The following BLTP3B variants were observed in gnomAD, a reference collection of about 807,000 sequenced individuals.
BLTP3B encodes bridge-like lipid transfer protein family member 3B.
the BLTP3B span, among the ~76,000 whole-genome samples, chr12:100,085,858 T>C: frequency 6.6e-6 from 1 of 152,076 alleles, no homozygotes; most frequent in African/African-American, 2.4e-5. Context: ...CATACTCTTA[T>C]TCTTAGCTTC....
the BLTP3B span, among the ~76,000 whole-genome samples, chr12:100,073,573 A>G: frequency 1.3e-5 from 2 of 151,896 alleles, no homozygotes; most frequent in Non-Finnish European, 2.9e-5. Flanking sequence ...AAATATGTAT[A>G]TGTGTGTGTA....
At chr12:100,065,968 G>C in the BLTP3B span, among the ~76,000 whole-genome samples, 1 of 152,234 alleles carries the variant, frequency 6.6e-6, no homozygotes, top group Non-Finnish European at 1.5e-5. Flanking sequence ...CTACCACCAT[G>C]TGATGTCACC....
At chr12:100,045,980 C>T in the BLTP3B span, among the ~76,000 whole-genome samples, 13 of 152,186 alleles carry the variant, frequency 8.5e-5, no homozygotes, top group Admixed American at 8.5e-4. Flanking sequence ...AAAAAATGCA[C>T]ATCATCACTG....
At chr12:100,081,492 G>T in the BLTP3B span, among the ~76,000 whole-genome samples, 2 of 152,052 alleles carry the variant, frequency 1.3e-5, no homozygotes, top group Non-Finnish European at 2.9e-5. Flanking sequence ...CTGGGGTTTG[G>T]TGTATAAATA....
At chr12:100,079,005 G>A in the BLTP3B span, among the ~76,000 whole-genome samples, 12 of 152,196 alleles carry the variant, frequency 7.9e-5, no homozygotes, top group Non-Finnish European at 1.5e-4. Context: ...TGTAAGACAT[G>A]ACTTGCTCCT....
the BLTP3B span, chr12:100,047,939 A>G: frequency 4.1e-6 from 6 of 1,467,084 alleles, no homozygotes; most frequent in Admixed American, 2.8e-5. Context: ...ATTTATTAAC[A>G]TACTTTTAAA....
the BLTP3B span, among the ~76,000 whole-genome samples, chr12:100,074,367 G>A: frequency 6.6e-6 from 1 of 152,176 alleles, no homozygotes; most frequent in Non-Finnish European, 1.5e-5. Context: ...GAGAGGCTGA[G>A]GCGGGCAGAT....
At chr12:100,081,554 C>T in the BLTP3B span, among the ~76,000 whole-genome samples, 1 of 152,110 alleles carries the variant, frequency 6.6e-6, no homozygotes, top group Non-Finnish European at 1.5e-5. Flanking sequence ...TTTTTCAATC[C>T]TCACCCTTCC....
chr12:100,060,945 T>C, the BLTP3B span, among the ~76,000 whole-genome samples: 1 of 152,224 alleles, frequency 6.6e-6, no homozygotes, highest in African/African-American at 2.4e-5. Flanking sequence ...TATTTGCTTA[T>C]GTTATTTATT....
At chr12:100,125,880 G>T in the BLTP3B span, among the ~76,000 whole-genome samples, 2 of 152,188 alleles carry the variant, frequency 1.3e-5, no homozygotes, top group African/African-American at 4.8e-5. Flanking sequence ...ATCTTACTAT[G>T]TGCTGGGTAC....
At chr12:100,098,283 A>AT in the BLTP3B span, 21 of 1,477,082 alleles carry the variant, frequency 1.4e-5, no homozygotes, top group South Asian at 1.7e-4. Context: ...ATGAGATGTG[A>AT]TTTTTTTAAT....
chr12:100,136,326 ATTTT>A, the BLTP3B span, among the ~76,000 whole-genome samples: 634 of 152,106 alleles, frequency 4.2e-3, 2 homozygotes, highest in African/African-American at 0.015. Context: ...TAGCAATAAA[ATTTT>A]TTTTATTTTT....
the BLTP3B span, among the ~76,000 whole-genome samples, chr12:100,092,396 C>T: frequency 2.0e-5 from 3 of 152,256 alleles, no homozygotes; most frequent in South Asian, 2.1e-4. Context: ...AGCAACAAAA[C>T]GTAATAGCTA....
chr12:100,133,947 G>T, the BLTP3B span, among the ~76,000 whole-genome samples: 1 of 152,018 alleles, frequency 6.6e-6, no homozygotes, highest in African/African-American at 2.4e-5. Context: ...TTACATATTA[G>T]TTTTTGTTAA....
the BLTP3B span, among the ~76,000 whole-genome samples, chr12:100,131,306 G>A: frequency 6.9e-6 from 1 of 144,068 alleles, no homozygotes; most frequent in South Asian, 2.2e-4. Context: ...GCAAGACCCT[G>A]TCTCAAAAAA....
At chr12:100,085,496 G>A in the BLTP3B span, among the ~76,000 whole-genome samples, 1 of 151,916 alleles carries the variant, frequency 6.6e-6, no homozygotes, top group Non-Finnish European at 1.5e-5. Flanking sequence ...TTATTATATT[G>A]AATGTTGGCA....
the BLTP3B span, among the ~76,000 whole-genome samples, chr12:100,090,024 C>T: frequency 1.3e-5 from 2 of 152,146 alleles, no homozygotes; most frequent in Non-Finnish European, 2.9e-5. Context: ...GGACTTGATC[C>T]TCCTTGCCTT....
the BLTP3B span, among the ~76,000 whole-genome samples, chr12:100,085,692 G>A: frequency 6.6e-6 from 1 of 152,102 alleles, no homozygotes; most frequent in Non-Finnish European, 1.5e-5. Context: ...TTGTGTGAAT[G>A]CTAAATACTA....
the BLTP3B span, among the ~76,000 whole-genome samples, chr12:100,098,739 T>TGA: frequency 1.4e-5 from 2 of 144,296 alleles, no homozygotes; most frequent in African/African-American, 5.0e-5. Flanking sequence ...CCATCTCTAC[T>TGA]AAAAAAAAAA....
Sources: gnomAD v4.1 joint callset for allele counts (sites outside exome capture counted in the v4.1 genomes callset) on GRCh38, gnomAD v4.1.1 for gene constraint, MANE v1.5 for transcripts, NCBI Gene and HGNC (gene_info 2026-07-23, HGNC 2026-07-21) for gene names.